Variants in LONP1 observed in about 807,000 individuals in gnomAD.
LONP1 encodes the protein lon peptidase 1, mitochondrial, also known as lon protease homolog, mitochondrial.
A neutral mutation model predicts 98.5 loss-of-function variants in LONP1; 31 were observed. The ratio of observed to expected loss-of-function variants is 0.31; its 90% CI spans 0.24 to 0.42. LONP1 has a LOEUF of 0.42. Ranked by LOEUF, LONP1 falls within the 20% of genes least tolerant of loss-of-function variation. The pLI is 1.00. For missense variants in LONP1, 1,336 were observed against 1,350.6 expected (o/e 0.99, Z 0.17); for synonymous variants, 781 against 594.7 (o/e 1.31, Z -4.56).
chr19:5,720,258 T>C, upstream of LONP1: 1 of 1,308,860 alleles, frequency 7.6e-7, no homozygotes, highest in Non-Finnish European at 9.9e-7. Flanking sequence ...TTCAGGGAGC[T>C]GGGCCTACGC....
rs886371904 is a variant in LONP1, at chr19:5,707,128, A to G, written c.1078T>C (p.Tyr360His). Reference sequence around the variant, plus strand: ...TTCTTCAGCAGGGAGAGGGCCTTGTACAGCCGCTTAGGAATCTGCCGAGAC... The same window carrying G: ...TTCTTCAGCAGGGAGAGGGCCTTGTGCAGCCGCTTAGGAATCTGCCGAGAC... ...LEETNIPKRL[Y>H]KALSLLKKEF... is the part of the protein sequence containing the mutation. The change falls in exon 7 of 18, where the codon TAC (tyrosine) becomes CAC (histidine). Residue 360 changes from tyrosine (Y) to histidine (H), a missense_variant. Tyr to His is a moderately conservative substitution (Grantham distance 83). Around this residue, in one of 5 missense-constraint regions of LONP1, gnomAD observed 97 missense variants for 139.0 expected, o/e 0.70. Coordinates refer to ENST00000360614, the MANE Select transcript of LONP1 (RefSeq NM_004793.4). 1.9e-6 allele frequency: 3 copies of G among 1,613,046 alleles called. No homozygotes were observed. The African/African-American group carries it at 4.0e-5, about 22-fold the overall frequency.
chr19:5,715,786 T>C (rs938378512), intron 1 of LONP1, among the ~76,000 whole-genome samples: 1 of 146,044 alleles, frequency 6.8e-6, no homozygotes, highest in African/African-American at 2.5e-5. Flanking sequence ...TCCTACCACA[T>C]AGCTGGGGTT....
chr19:5,712,859 G>A (rs944900902), intron 3 of LONP1, among the ~76,000 whole-genome samples: 7 of 151,994 alleles, frequency 4.6e-5, no homozygotes, highest in Non-Finnish European at 5.9e-5. Context: ...CTCAAACTCC[G>A]GGCTCAAGCG....
At chr19:5,706,995 G>T in intron 7 of LONP1, 65 bp downstream of exon 7, 3 of 1,371,492 alleles carry the variant, frequency 2.2e-6, no homozygotes, top group South Asian at 2.4e-5. Flanking sequence ...TCCAGAGCCT[G>T]ACTGATGTCA....
chr19:5,712,689 C>T (rs1032630600), intron 3 of LONP1, among the ~76,000 whole-genome samples: 1 of 152,142 alleles, frequency 6.6e-6, no homozygotes, highest in South Asian at 2.1e-4. Context: ...GAAACAGGGT[C>T]TTGCTGTGTT....
Position 5,692,032 on chromosome 19 carries a change from T to TA in LONP1, c.2879_2880insT (p.Ter960CysfsTer20). 1 of 1,325,188 alleles carries TA rather than the reference T, an allele frequency of 7.5e-7. No individual in the cohort carries two copies. Among genetic ancestry groups the TA allele is most frequent in the Admixed American group, 2.1e-5 (1 of 48,618 alleles). The allele number at this position is 1,325,188 out of a possible 1,614,324, so 82.1% of individuals were successfully genotyped here. A position where few individuals can be genotyped will look rare whatever the true frequency, so the allele number is the denominator to read the frequency against. On this transcript the variant is annotated frameshift_variant and stop_lost, in exon 18 of 18. Transcript: ENST00000360614. LOFTEE classifies it high-confidence loss of function. ...GCCGCCTGCAGTCCCGGGGTGGCCGTCACCGTTCCACGGCCAGCGCCTCTG... is the reference window on the plus strand; with the variant it reads ...GCCGCCTGCAGTCCCGGGGTGGCCGTACACCGTTCCACGGCCAGCGCCTCTG...
At chr19:5,716,938 C>T (rs1202997696) in intron 1 of LONP1, among the ~76,000 whole-genome samples, 3 of 152,044 alleles carry the variant, frequency 2.0e-5, no homozygotes, top group South Asian at 2.1e-4. Flanking sequence ...GGACTACGGG[C>T]GCCCACCACC....
chr19:5,706,957 G>A, intron 7 of LONP1, 103 bp downstream of exon 7: 1 of 952,676 alleles, frequency 1.0e-6, no homozygotes, highest in Non-Finnish European at 1.6e-6. Flanking sequence ...GGCTTGCCCT[G>A]GCCGATGCCA....
At chr19:5,694,597 C>CACAGAA in intron 14 of LONP1, 45 bp from the exon 15 acceptor site, 1 of 1,535,754 alleles carries the variant, frequency 6.5e-7, no homozygotes, top group Non-Finnish European at 8.9e-7. Flanking sequence ...GGTGGGGTGA[C>CACAGAA]AGGTGCGGGG....
chr19:5,713,365 T>C (rs1163690546), intron 2 of LONP1, 112 bp from the exon 3 acceptor site: 9 of 1,384,452 alleles, frequency 6.5e-6, no homozygotes, highest in Non-Finnish European at 9.1e-6. Context: ...CAAATGCTAC[T>C]GAAAACCAAG....
chr19:5,696,812 G>C (rs73920045), intron 10 of LONP1, 55 bp from the exon 11 acceptor site: 64 of 1,229,346 alleles, frequency 5.2e-5, no homozygotes, highest in Admixed American at 1.4e-4. Context: ...CGGCCACAAC[G>C]ACACCATGCA....
chr19:5,693,245 C>T, intron 17 of LONP1, 53 bp downstream of exon 17: 1 of 1,565,222 alleles, frequency 6.4e-7, no homozygotes, highest in Admixed American at 1.7e-5. Context: ...TGGGCCTGTC[C>T]CGTGGTGGTG....
chr19:5,717,249 T>C (rs922529554), intron 1 of LONP1: 3 of 152,202 alleles, frequency 2.0e-5, no homozygotes, highest in Non-Finnish European at 4.4e-5. Flanking sequence ...AAGTACAAAC[T>C]GAAGAGTAAA....
At chr19:5,715,470 C>T (rs1261062597) in intron 1 of LONP1, among the ~76,000 whole-genome samples, 3 of 150,288 alleles carry the variant, frequency 2.0e-5, no homozygotes, top group Non-Finnish European at 4.4e-5. Flanking sequence ...GGTGAAACCC[C>T]GTCTCTACTA....
chr19:5,705,447 G>C (rs2055128793), intron 8 of LONP1, among the ~76,000 whole-genome samples: 1 of 124,206 alleles, frequency 8.1e-6, no homozygotes. Flanking sequence ...AACTGAGCGA[G>C]ACTCCATTTC....
intron 8 of LONP1, 64 bp downstream of exon 8, chr19:5,705,704 GGCCT>G: frequency 1.2e-5 from 18 of 1,469,598 alleles, no homozygotes; most frequent in Non-Finnish European, 1.7e-5. Context: ...TGGGTCCCCT[GGCCT>G]GCCTAAGATG....
At chr19:5,699,556 T>C (rs1002877890) in intron 9 of LONP1, among the ~76,000 whole-genome samples, 1 of 52,492 alleles carries the variant, frequency 1.9e-5, no homozygotes, top group Non-Finnish European at 4.1e-5. Context: ...CTGGCTCCTG[T>C]TTTTTTTTTT....
intron 7 of LONP1, among the ~76,000 whole-genome samples, chr19:5,706,426 T>C (rs1031359040): frequency 2.0e-5 from 3 of 152,092 alleles, no homozygotes; most frequent in Non-Finnish European, 2.9e-5. Context: ...CTGGCCAACA[T>C]GGTGAAACCC....
intron 1 of LONP1, 135 bp downstream of exon 1, chr19:5,719,569 G>GT: frequency 2.7e-6 from 4 of 1,498,486 alleles, no homozygotes; most frequent in Non-Finnish European, 3.6e-6. Context: ...AGCAGACAAG[G>GT]ATTCGAACTG....
Sources: gnomAD v4.1 joint callset for allele counts (sites outside exome capture counted in the v4.1 genomes callset) on GRCh38, gnomAD v4.1.1 for gene constraint, gnomAD v4.1.1 regional missense constraint, MANE v1.5 for transcripts, NCBI Gene and HGNC (gene_info 2026-07-23, HGNC 2026-07-21) for gene names.